The following TMTC1 variants were observed in gnomAD, a reference collection of about 807,000 sequenced individuals.
The protein encoded by TMTC1 is protein O-mannosyl-transferase TMTC1.
Under a neutral mutation model 104.8 loss-of-function variants are expected in TMTC1, and 73 were observed. The ratio of observed to expected loss-of-function variants is 0.70; its 90% CI spans 0.58 to 0.85. TMTC1 has a LOEUF of 0.85. Among genes scored for constraint, TMTC1 ranks in the 40% least tolerant of loss-of-function variants. The pLI, the probability that TMTC1 is intolerant of heterozygous loss-of-function variation, is 0.00. For synonymous variants in TMTC1, 434 were observed against 428.7 expected (o/e 1.01, Z -0.15); for missense variants, 1,035 against 1,096.1 (o/e 0.94, Z 0.79).
chr12:29,555,174 G>A (rs1330684981), intron 10 of TMTC1, among the ~76,000 whole-genome samples: 1 of 106,644 alleles, frequency 9.4e-6, no homozygotes, highest in Non-Finnish European at 1.7e-5. Context: ...GTCTCACTCT[G>A]TCACCCAGGC....
At chr12:29,673,119 T>C (rs1940579442) in intron 5 of TMTC1, among the ~76,000 whole-genome samples, 2 of 152,248 alleles carry the variant, frequency 1.3e-5, no homozygotes. Flanking sequence ...ATTTCAGTTT[T>C]ATTTCACTTG....
At chr12:29,774,734 C>A (rs1943669953) in intron 1 of TMTC1, among the ~76,000 whole-genome samples, 1 of 152,222 alleles carries the variant, frequency 6.6e-6, no homozygotes, top group African/African-American at 2.4e-5. Context: ...GCAAAAATCC[C>A]TTTGGCCCTC....
intron 10 of TMTC1, among the ~76,000 whole-genome samples, chr12:29,556,052 C>A (rs1945236104): frequency 6.7e-6 from 1 of 149,410 alleles, no homozygotes; most frequent in South Asian, 2.1e-4. Flanking sequence ...ATTTGTTAAC[C>A]TTTTTTTTTT....
chr12:29,531,271 A>G (rs984717766), intron 11 of TMTC1, among the ~76,000 whole-genome samples: 1 of 152,184 alleles, frequency 6.6e-6, no homozygotes, highest in Non-Finnish European at 1.5e-5. Context: ...GTGTGGCTGA[A>G]TGTACCTCAA....
chr12:29,717,778 T>C (rs1942126407), intron 5 of TMTC1, among the ~76,000 whole-genome samples: 2 of 152,354 alleles, frequency 1.3e-5, no homozygotes, highest in East Asian at 1.9e-4. Context: ...TTTTGTCATA[T>C]TGGGAATTAT....
At chr12:29,650,432 C>T (rs1224445109) in intron 5 of TMTC1, among the ~76,000 whole-genome samples, 1 of 152,104 alleles carries the variant, frequency 6.6e-6, no homozygotes, top group Non-Finnish European at 1.5e-5. Flanking sequence ...CACCTCTCTT[C>T]CTGAGGTGAG....
chr12:29,673,797 C>T (rs1327997181), intron 5 of TMTC1, among the ~76,000 whole-genome samples: 1 of 118,460 alleles, frequency 8.4e-6, no homozygotes, highest in Non-Finnish European at 1.6e-5. Flanking sequence ...TTTGCTCTTG[C>T]TGCCCAGGCT....
chr12:29,548,135 T>C (rs1944990499), intron 10 of TMTC1, among the ~76,000 whole-genome samples: 2 of 152,124 alleles, frequency 1.3e-5, no homozygotes, highest in Admixed American at 1.3e-4. Context: ...ATCTGGGGCA[T>C]GCTGAAGTTG....
intron 5 of TMTC1, among the ~76,000 whole-genome samples, chr12:29,733,842 C>T (rs1205138985): frequency 6.6e-6 from 1 of 152,180 alleles, no homozygotes; most frequent in Non-Finnish European, 1.5e-5. Flanking sequence ...GTTTCAATAT[C>T]GCTCTGCTCA....
At chr12:29,655,953 T>C (rs916103046) in intron 5 of TMTC1, among the ~76,000 whole-genome samples, 4 of 152,030 alleles carry the variant, frequency 2.6e-5, no homozygotes, top group African/African-American at 9.7e-5. Context: ...AAAATGCAAC[T>C]GAAAGATGCG....
In TMTC1 at chr12:29,503,504, T is replaced by C. The variant is rs1456663794; in HGVS notation, c.*3342A>G. On this transcript the variant is annotated 3_prime_UTR_variant, in exon 18 of 18. Transcript: ENST00000539277. Reference sequence around the variant, plus strand: ...AAGAAATGGACACTTATCAGGGATTTTGAAGGCAAGGAGAACTGATTCTAG... The same window carrying C: ...AAGAAATGGACACTTATCAGGGATTCTGAAGGCAAGGAGAACTGATTCTAG... The C allele has an allele frequency of 2.0e-5, 3 of 152,198 alleles. No individual in the cohort carries two copies. Among genetic ancestry groups the C allele is most frequent in the African/African-American group, 7.2e-5 (3 of 41,452 alleles). The allele number at this position is 152,198 out of a possible 1,614,324, so 9.4% of individuals were successfully genotyped here. A position where few individuals can be genotyped will look rare whatever the true frequency, so the allele number is the denominator to read the frequency against.
chr12:29,689,893 C>T (rs1271013742), intron 5 of TMTC1, among the ~76,000 whole-genome samples: 1 of 152,146 alleles, frequency 6.6e-6, no homozygotes, highest in Non-Finnish European at 1.5e-5. Context: ...CTTCACGTCT[C>T]TCTTGCATTA....
At chr12:29,537,130 A>G (rs1208674953) in intron 10 of TMTC1, among the ~76,000 whole-genome samples, 2 of 152,204 alleles carry the variant, frequency 1.3e-5, no homozygotes, top group East Asian at 3.9e-4. Context: ...TATTAATACA[A>G]TTCCACAGAC....
intron 10 of TMTC1, among the ~76,000 whole-genome samples, chr12:29,550,971 A>AAAAAAAAAAG (rs1945085899): frequency 7.4e-6 from 1 of 134,366 alleles, no homozygotes. Flanking sequence ...AAAAAAAAAA[A>AAAAAAAAAAG]GAGCAGGGAG....
At chr12:29,555,048 T>C (rs963177894) in intron 10 of TMTC1, among the ~76,000 whole-genome samples, 1 of 152,054 alleles carries the variant, frequency 6.6e-6, no homozygotes, top group Non-Finnish European at 1.5e-5. Flanking sequence ...AGCTCTAAAA[T>C]TTATTCAAGA....
chr12:29,707,047 GGTCCTATGGGGACA>G (rs1941765271), intron 5 of TMTC1, among the ~76,000 whole-genome samples: 1 of 152,152 alleles, frequency 6.6e-6, no homozygotes, highest in African/African-American at 2.4e-5. Context: ...GGAGCCCTTG[GGTCCTATGGGGACA>G]GTCAGACCTG....
At chr12:29,686,950 T>G (rs1402674540) in intron 5 of TMTC1, among the ~76,000 whole-genome samples, 2 of 152,088 alleles carry the variant, frequency 1.3e-5, no homozygotes, top group South Asian at 4.1e-4. Flanking sequence ...ATATGGATTA[T>G]AGCATGTTTT....
chr12:29,524,141 A>G (rs1944268139), intron 11 of TMTC1, among the ~76,000 whole-genome samples: 2 of 152,196 alleles, frequency 1.3e-5, no homozygotes, highest in Admixed American at 1.3e-4. Context: ...CATTTTACAA[A>G]TGGCTGTATG....
intron 2 of TMTC1, among the ~76,000 whole-genome samples, 171 bp from the exon 3 acceptor site, chr12:29,758,948 A>G (rs1231329192): frequency 3.3e-5 from 5 of 152,196 alleles, no homozygotes; most frequent in Admixed American, 2.0e-4. Flanking sequence ...TCTGATTATC[A>G]TATATATTTA....
Sources: allele counts gnomAD v4.1 joint callset (sites outside exome capture counted in the v4.1 genomes callset), GRCh38; gene constraint gnomAD v4.1.1; transcripts MANE v1.5; gene names NCBI Gene and HGNC (gene_info 2026-07-23, HGNC 2026-07-21).